TENM2: variants seen among roughly 807,000 people sequenced by gnomAD.
TENM2 encodes teneurin transmembrane protein 2, also known as teneurin-2.
In TENM2, 52 loss-of-function variants were observed where a neutral mutation model predicts 245.2. That is an observed-to-expected ratio of 0.21 (90% CI 0.17 to 0.27). The LOEUF is 0.27. TENM2 is among the 10% of genes least tolerant of loss of function. The pLI is 1.00. For missense variants in TENM2, 3,046 were observed against 3,666.8 expected, an observed-to-expected ratio of 0.83 and a Z score of 4.37; for synonymous variants, 1,363 against 1,438.9, an observed-to-expected ratio of 0.95 and a Z score of 1.19.
intron 2 of TENM2, among the ~76,000 whole-genome samples, chr5:167,824,380 C>G (rs1029556126): frequency 6.6e-6 from 1 of 152,082 alleles, no homozygotes; most frequent in Admixed American, 6.5e-5. Flanking sequence ...GAGAGGAAAG[C>G]CTTGTATGGC....
chr5:167,959,150 C>T (rs569507582), intron 4 of TENM2, among the ~76,000 whole-genome samples: 2 of 151,988 alleles, frequency 1.3e-5, no homozygotes, highest in African/African-American at 4.8e-5. Flanking sequence ...TTCACATAGT[C>T]CCATATTTCT....
In TENM2 at chr5:167,329,773, G is replaced by C. The variant is rs543316850; in HGVS notation, c.226+44710G>C. Reference sequence around the variant, plus strand: ...AATAGAAATAGAAAGAAGAGGAAGAGATATGGGGGATAGAAATTATGAGTT... The same window carrying C: ...AATAGAAATAGAAAGAAGAGGAAGACATATGGGGGATAGAAATTATGAGTT... On this transcript the variant is annotated intron_variant, in intron 1 of 28. Coordinates refer to ENST00000518659, the Ensembl canonical transcript of TENM2. Among the ~76,000 whole-genome samples the C allele has an allele frequency of 5.3e-5, 8 of 152,112 alleles. No individual in the cohort carries two copies. In the South Asian group the frequency reaches 1.7e-3, roughly 32 times the overall value.
chr5:167,624,970 C>T (rs1345863834), intron 2 of TENM2, among the ~76,000 whole-genome samples: 1 of 152,068 alleles, frequency 6.6e-6, no homozygotes, highest in Non-Finnish European at 1.5e-5. Flanking sequence ...TAACTAAGTC[C>T]ACTTCCTCTT....
the TENM2 span, among the ~76,000 whole-genome samples, chr5:167,038,979 C>T: frequency 6.2e-4 from 95 of 152,134 alleles, no homozygotes; most frequent in African/African-American, 2.2e-3. Flanking sequence ...GAGATCCTTG[C>T]CAACTGAGGA....
chr5:167,464,902 C>G (rs1766546617), intron 2 of TENM2, among the ~76,000 whole-genome samples: 1 of 152,108 alleles, frequency 6.6e-6, no homozygotes, highest in African/African-American at 2.4e-5. Context: ...TGAACTATTC[C>G]AATTTAATTG....
chr5:167,900,434 C>T (rs538388048), intron 3 of TENM2, among the ~76,000 whole-genome samples: 6 of 152,100 alleles, frequency 3.9e-5, no homozygotes, highest in Non-Finnish European at 5.9e-5. Flanking sequence ...CTTTTCCAGG[C>T]TTGGCATGAG....
chr5:167,873,091 C>T (rs986626307), intron 2 of TENM2, among the ~76,000 whole-genome samples: 2 of 152,198 alleles, frequency 1.3e-5, no homozygotes, highest in African/African-American at 2.4e-5. Flanking sequence ...GCTAAGTGGA[C>T]GTCAACACTG....
intron 1 of TENM2, among the ~76,000 whole-genome samples, chr5:167,352,643 C>A (rs984165502): frequency 1.3e-5 from 2 of 152,096 alleles, no homozygotes; most frequent in African/African-American, 4.8e-5. Flanking sequence ...TGTTATCAGA[C>A]AAAGGATCTA....
chr5:167,389,665 A>G (rs533902069), intron 2 of TENM2, among the ~76,000 whole-genome samples: 8 of 152,280 alleles, frequency 5.3e-5, no homozygotes, highest in African/African-American at 1.2e-4. Flanking sequence ...TTTTCTTAAG[A>G]TGAATTCCTA....
At chr5:167,399,356 A>C (rs1223555069) in intron 2 of TENM2, among the ~76,000 whole-genome samples, 6 of 152,206 alleles carry the variant, frequency 3.9e-5, no homozygotes, top group African/African-American at 1.4e-4. Context: ...CAAAATATGC[A>C]AGAAGCCCAA....
intron 9 of TENM2, among the ~76,000 whole-genome samples, chr5:168,100,917 G>A (rs1204230972): frequency 2.9e-4 from 33 of 114,626 alleles, no homozygotes; most frequent in African/African-American, 1.2e-3. Flanking sequence ...AAAACTTCAA[G>A]TATAATTAAA....
At chr5:167,193,523 T>G in the TENM2 span, among the ~76,000 whole-genome samples, 1 of 152,032 alleles carries the variant, frequency 6.6e-6, no homozygotes, top group Non-Finnish European at 1.5e-5. Context: ...GGGACATTCT[T>G]TTCAACATAT....
intron 12 of TENM2, among the ~76,000 whole-genome samples, chr5:168,149,774 A>C (rs888766291): frequency 1.3e-5 from 2 of 152,218 alleles, no homozygotes; most frequent in Non-Finnish European, 2.9e-5. Context: ...GAATAAAAGC[A>C]ATATCCGTAC....
intron 9 of TENM2, 104 bp from the exon 12 acceptor site, chr5:168,118,188 T>C: frequency 1.0e-6 from 1 of 956,408 alleles, no homozygotes; most frequent in Non-Finnish European, 1.5e-6. Context: ...CCTAGAACAC[T>C]GTAAGCCAAG....
chr5:167,631,434 T>C (rs926327021), intron 2 of TENM2, among the ~76,000 whole-genome samples: 8 of 152,108 alleles, frequency 5.3e-5, no homozygotes, highest in African/African-American at 1.9e-4. Context: ...ATAGAACCTG[T>C]TGGGCGTGTC....
At chr5:167,149,074 T>C in the TENM2 span, among the ~76,000 whole-genome samples, 1 of 152,218 alleles carries the variant, frequency 6.6e-6, no homozygotes, top group African/African-American at 2.4e-5. Flanking sequence ...AGGTGCAGGT[T>C]AGTTACATAT....
intron 1 of TENM2, among the ~76,000 whole-genome samples, chr5:167,329,909 T>C (rs1757338465): frequency 1.3e-5 from 2 of 152,294 alleles, no homozygotes; most frequent in Admixed American, 6.5e-5. Context: ...TGTCAGTGGA[T>C]GGTCTTGAAC....
At position 167,343,718 on chromosome 5, in the gene TENM2, T is replaced by A. The variant is rs148979186; in HGVS notation, c.227-31480T>A. Among the ~76,000 whole-genome samples the A allele has an allele frequency of 4.5e-3, 689 of 152,316 alleles. 6 individuals carry two copies. Among genetic ancestry groups the A allele is most frequent in the African/African-American group, 0.016 (658 of 41,560 alleles). ...AAAAAAATGAATTAACACAAGAAGT[T>A]TGTTCTTTAATTTAAGATCATTATA... On this transcript the variant is annotated intron_variant, in intron 1 of 28. Coordinates refer to ENST00000518659, the Ensembl canonical transcript of TENM2.
exon 29 of TENM2, chr5:168,262,824 T>C (rs1184119903): frequency 1.9e-6 from 3 of 1,576,314 alleles, no homozygotes; most frequent in South Asian, 1.2e-5. Context: ...AATAATCTGC[T>C]GCCATTCCTT....
Sources: gnomAD v4.1 joint callset for allele counts (sites outside exome capture counted in the v4.1 genomes callset) on GRCh38, gnomAD v4.1.1 for gene constraint, MANE v1.5 for transcripts, NCBI Gene and HGNC (gene_info 2026-07-23, HGNC 2026-07-21) for gene names.